CRACD: variants seen among roughly 807,000 people sequenced by gnomAD.
CRACD encodes capping protein inhibiting regulator of actin dynamics, also known as capping protein-inhibiting regulator of actin dynamics.
CRACD carries 56 observed loss-of-function variants against 106.8 expected under a neutral mutation model. The observed-to-expected ratio is 0.52, with a 90% CI of 0.42 to 0.66. The LOEUF (loss-of-function observed/expected upper bound fraction) is 0.66, where lower values mean the gene tolerates loss of function less well. Among genes scored for constraint, CRACD ranks in the 30% least tolerant of loss-of-function variants. The probability of loss-of-function intolerance (pLI) is 0.00; values close to 1 mark genes in which losing one functional copy is unlikely to be tolerated. For synonymous variants in CRACD, 754 were observed against 670.8 expected (o/e 1.12, Z -1.92); for missense variants, 1,730 against 1,623.2 (o/e 1.07, Z -1.13).
At position 56,201,880 on chromosome 4, in the gene CRACD, C is replaced by T. The variant is rs17086442; in HGVS notation, c.-189+22450C>T. On this transcript the variant is annotated intron_variant, in intron 2 of 10. Transcript: ENST00000682029. ...AGGAATACCACTCTTAAGAACTTTG[C>T]AGAGGTAAGAGCATATATTAAAACA... is the stretch of plus-strand genomic sequence containing the variant. Among the ~76,000 whole-genome samples, 1,115 of 152,228 alleles carry T rather than the reference C, an allele frequency of 7.3e-3. 14 individuals are homozygous for T. Among genetic ancestry groups the T allele is most frequent in the African/African-American group, 0.025 (1,018 of 41,524 alleles).
rs1227467173 is a variant in CRACD at position 56,188,709 on chromosome 4, C to CAGAG, written c.-189+9280_-189+9281insGAGA. ...TCTCACACACACACACACACACACA[C>CAGAG]ACAGAGAGAGAGAGAGAGAGAGAGA... On this transcript the variant is annotated intron_variant, in intron 2 of 10. Transcript: ENST00000682029. Among the ~76,000 whole-genome samples the CAGAG allele has an allele frequency of 2.7e-3, 347 of 129,884 alleles. 1 individual carries two copies. Among genetic ancestry groups the CAGAG allele is most frequent in the African/African-American group, 0.011 (323 of 30,174 alleles). 85.2% of individuals were successfully genotyped at this position (129,884 alleles called of 152,430 possible).
intron 1 of CRACD, among the ~76,000 whole-genome samples, chr4:56,100,339 A>G (rs1456179256): frequency 6.6e-6 from 1 of 152,220 alleles, no homozygotes; most frequent in Non-Finnish European, 1.5e-5. Flanking sequence ...TAAATTTAAT[A>G]AATTACTTCA....
At chr4:56,055,132 A>G (rs1469272354) in intron 1 of CRACD, among the ~76,000 whole-genome samples, 2 of 152,160 alleles carry the variant, frequency 1.3e-5, no homozygotes, top group African/African-American at 4.8e-5. Flanking sequence ...AAAAGGAAGG[A>G]CAAGTTGCTA....
At position 56,063,758 on chromosome 4, in the gene CRACD, T is replaced by C. The variant is rs1419399795; in HGVS notation, c.-336+14459T>C. ...AAAAATGAAATTTTCTGTTGATGGA[T>C]ATTTGGGTTGTTTCTGCCTTTGGGC... On this transcript the variant is annotated intron_variant, in intron 1 of 10. Coordinates refer to ENST00000682029, the MANE Select transcript of CRACD (RefSeq NM_001393381.1). 2.0e-5 allele frequency among the ~76,000 whole-genome samples: 3 copies of C among 152,188 alleles called. No individual in the cohort carries two copies. The East Asian group carries it at 5.8e-4, about 29-fold the overall frequency.
intron 1 of CRACD, among the ~76,000 whole-genome samples, chr4:56,120,538 C>T (rs778690389): frequency 2.6e-5 from 4 of 152,158 alleles, no homozygotes; most frequent in Non-Finnish European, 5.9e-5. Context: ...TCTTAGCCTT[C>T]TTCACATCAA....
At chr4:56,268,962 A>G (rs1742190715) in intron 2 of CRACD, among the ~76,000 whole-genome samples, 1 of 152,240 alleles carries the variant, frequency 6.6e-6, no homozygotes, top group African/African-American at 2.4e-5. Flanking sequence ...AAAAGATACA[A>G]ACATTCTGAA....
At chr4:56,061,125 A>C (rs147416120) in intron 1 of CRACD, among the ~76,000 whole-genome samples, 23 of 152,290 alleles carry the variant, frequency 1.5e-4, no homozygotes, top group Admixed American at 5.2e-4. Context: ...ACCTGGCTCT[A>C]AGGCCCGGCT....
intron 3 of CRACD, among the ~76,000 whole-genome samples, chr4:56,287,438 A>G (rs1743437157): frequency 6.6e-6 from 1 of 151,972 alleles, no homozygotes; most frequent in Admixed American, 6.6e-5. Flanking sequence ...GTGAACCACC[A>G]TGCTTGGCTA....
At chr4:56,225,815 C>G (rs748099455) in intron 2 of CRACD, among the ~76,000 whole-genome samples, 14 of 152,176 alleles carry the variant, frequency 9.2e-5, no homozygotes, top group Non-Finnish European at 1.9e-4. Flanking sequence ...AATTCAAGAT[C>G]ATAACATTAG....
Position 56,324,139 on chromosome 4 carries a change from C to G in CRACD, c.3414C>G (p.Val1138=). The G allele has an allele frequency of 3.7e-6, 6 of 1,613,942 alleles. No individual in the cohort carries two copies. Among genetic ancestry groups the G allele is most frequent in the Non-Finnish European group, 5.1e-6 (6 of 1,179,912 alleles). ...GCGTGCAGCCTGGAAGCAGCAGTGT[C>G]AGCAGAGCAGGTTCCCTGCACAAGT... ...SVSVQPGSSS[V]SRAGSLHKST... The change falls in exon 10 of 11, where the codon GTC becomes GTG. Residue 1138 remains valine (V), a synonymous_variant. Transcript: ENST00000682029.
At chr4:56,288,656 C>T (rs1465902595) in intron 3 of CRACD, 1 of 152,606 alleles carries the variant, frequency 6.6e-6, no homozygotes, top group African/African-American at 2.4e-5. Flanking sequence ...CGCTACTGAT[C>T]TTTACAGATA....
At chr4:56,064,895 G>C (rs1375035014) in intron 1 of CRACD, among the ~76,000 whole-genome samples, 4 of 152,078 alleles carry the variant, frequency 2.6e-5, no homozygotes, top group African/African-American at 9.7e-5. Flanking sequence ...TCTGTATCTG[G>C]ACATGGACGG....
chr4:56,086,230 C>T (rs1294339000), intron 1 of CRACD, among the ~76,000 whole-genome samples: 5 of 152,156 alleles, frequency 3.3e-5, no homozygotes, highest in Admixed American at 6.5e-5. Context: ...TGCAGGGGGT[C>T]GGGGAGTGCA....
intron 2 of CRACD, among the ~76,000 whole-genome samples, chr4:56,249,165 G>A (rs1488007321): frequency 2.7e-5 from 4 of 150,092 alleles, no homozygotes; most frequent in Admixed American, 1.3e-4. Context: ...CTTCCACAAC[G>A]GTTGAACTAG....
chr4:56,177,425 A>G (rs1312775024), intron 1 of CRACD, among the ~76,000 whole-genome samples: 3 of 152,152 alleles, frequency 2.0e-5, no homozygotes, highest in African/African-American at 7.2e-5. Context: ...ATCATGGTAA[A>G]TGATCATTTC....
intron 4 of CRACD, among the ~76,000 whole-genome samples, chr4:56,298,558 C>G (rs563660365): frequency 2.0e-5 from 3 of 152,180 alleles, no homozygotes; most frequent in African/African-American, 7.2e-5. Context: ...CTGCAGCCAT[C>G]TGCATGACAC....
intron 2 of CRACD, among the ~76,000 whole-genome samples, chr4:56,223,533 G>A (rs1191049643): frequency 1.3e-5 from 2 of 152,102 alleles, no homozygotes; most frequent in Non-Finnish European, 2.9e-5. Context: ...AGTCTATCCT[G>A]GTGTCTGGTG....
intron 1 of CRACD, among the ~76,000 whole-genome samples, chr4:56,164,315 T>C (rs1408395464): frequency 6.6e-6 from 1 of 151,814 alleles, no homozygotes; most frequent in Non-Finnish European, 1.5e-5. Flanking sequence ...GTTGTATTTT[T>C]AGTAGAGATG....
At chr4:56,070,889 G>GTGTGTGTC (rs1449519630) in intron 1 of CRACD, among the ~76,000 whole-genome samples, 1 of 151,524 alleles carries the variant, frequency 6.6e-6, no homozygotes, top group African/African-American at 2.4e-5. Context: ...GTGTGTGTGT[G>GTGTGTGTC]TCCACAGGCA....
Sources: gnomAD v4.1 joint callset for allele counts (sites outside exome capture counted in the v4.1 genomes callset) on GRCh38, gnomAD v4.1.1 for gene constraint, MANE v1.5 for transcripts, NCBI Gene and HGNC (gene_info 2026-07-23, HGNC 2026-07-21) for gene names.